The following NTM variants were observed in gnomAD, a reference collection of about 807,000 sequenced individuals.
NTM encodes neurotrimin.
A neutral mutation model predicts 42.1 loss-of-function variants in NTM; 13 were observed. That is an observed-to-expected ratio of 0.31 (90% confidence interval 0.20 to 0.49). The LOEUF (loss-of-function observed/expected upper bound fraction) is 0.49, where lower values mean the gene tolerates loss of function less well. Ranked by LOEUF, NTM falls within the 20% of genes least tolerant of loss-of-function variation. The pLI is 0.99. For missense variants in NTM, 373 were observed against 452.8 expected, an observed-to-expected ratio of 0.82 and a Z score of 1.60; for synonymous variants, 187 against 179.2, an observed-to-expected ratio of 1.04 and a Z score of -0.35.
intron 1 of NTM, chr11:131,537,103 G>GT (rs1181233110): frequency 6.6e-6 from 1 of 151,706 alleles, no homozygotes; most frequent in African/African-American, 2.4e-5. Flanking sequence ...AGGGAGCTGG[G>GT]TGCCTCTCTT....
At chr11:131,726,281 A>G (rs1258677380) in intron 1 of NTM, among the ~76,000 whole-genome samples, 2 of 152,048 alleles carry the variant, frequency 1.3e-5, no homozygotes, top group African/African-American at 4.8e-5. Context: ...CTCCCTATGC[A>G]CCTTTTCAAG....
In NTM at chr11:131,788,832, C is replaced by T. The variant is rs568396053; in HGVS notation, c.83-122732C>T. Among the ~76,000 whole-genome samples, 30 of 152,220 alleles carry T rather than the reference C, an allele frequency of 2.0e-4. 1 individual carries two copies. In the South Asian group the frequency reaches 6.0e-3, roughly 31 times the overall value. On this transcript the variant is annotated intron_variant, in intron 1 of 8. Coordinates refer to ENST00000683400, the MANE Select transcript of NTM (RefSeq NM_001352005.2). ...CATTTAGACTTTTTTGGGGTCCATGCTCTCCTTTTCAAGGGTGGGTTTGAA... is the reference window on the plus strand; with the variant it reads ...CATTTAGACTTTTTTGGGGTCCATGTTCTCCTTTTCAAGGGTGGGTTTGAA...
intron 1 of NTM, among the ~76,000 whole-genome samples, chr11:131,858,247 C>A (rs186597257): frequency 1.3e-5 from 2 of 152,202 alleles, no homozygotes; most frequent in East Asian, 1.9e-4. Context: ...AGTTACTTTG[C>A]GGAAGCTTCT....
chr11:131,710,100 G>C lies in NTM; in HGVS notation c.83-201464G>C, dbSNP rs532189543. Among the ~76,000 whole-genome samples, 56 of 152,206 alleles carry C rather than the reference G, an allele frequency of 3.7e-4. 2 individuals are homozygous for C. The South Asian group carries it at 0.01, about 28-fold the overall frequency. ...TGAGTGCACTGGTGGGGTCAAAGAG[G>C]GGGTGGAGCAGAAAGCCATGAGAGA... On this transcript the variant is annotated intron_variant, in intron 1 of 8. Coordinates refer to ENST00000683400, the MANE Select transcript of NTM (RefSeq NM_001352005.2).
At chr11:131,501,307 A>C (rs915390413) in intron 1 of NTM, among the ~76,000 whole-genome samples, 1 of 152,182 alleles carries the variant, frequency 6.6e-6, no homozygotes, top group Non-Finnish European at 1.5e-5. Context: ...AGGAGGCGAT[A>C]GCTGTTGGTA....
chr11:132,087,593 A>G (rs748678699), intron 2 of NTM, among the ~76,000 whole-genome samples: 5 of 152,142 alleles, frequency 3.3e-5, no homozygotes, highest in Non-Finnish European at 7.4e-5. Flanking sequence ...GTGCTAAGGT[A>G]TAACTGTGGA....
intron 1 of NTM, among the ~76,000 whole-genome samples, chr11:131,449,333 C>T (rs947427336): frequency 4.6e-5 from 7 of 152,232 alleles, no homozygotes; most frequent in Non-Finnish European, 8.8e-5. Flanking sequence ...CCCACAGGGG[C>T]ATGGAGGTGG....
At chr11:131,431,164 C>T (rs564341938) in intron 1 of NTM, among the ~76,000 whole-genome samples, 2 of 152,294 alleles carry the variant, frequency 1.3e-5, no homozygotes, top group South Asian at 4.2e-4. Flanking sequence ...AGGATTGCAG[C>T]TTTCACGGTG....
At chr11:132,066,765 G>T (rs888396078) in intron 2 of NTM, among the ~76,000 whole-genome samples, 1 of 151,854 alleles carries the variant, frequency 6.6e-6, no homozygotes, top group Non-Finnish European at 1.5e-5. Context: ...CTTCTTTCTT[G>T]CTCTGTTATG....
At chr11:131,672,191 C>G (rs2070413666) in intron 1 of NTM, among the ~76,000 whole-genome samples, 1 of 152,240 alleles carries the variant, frequency 6.6e-6, no homozygotes, top group African/African-American at 2.4e-5. Flanking sequence ...CCTCCCTCCC[C>G]ACCAGGAGCA....
intron 4 of NTM, among the ~76,000 whole-genome samples, chr11:132,275,259 A>C (rs1330277178): frequency 6.6e-6 from 1 of 152,054 alleles, no homozygotes; most frequent in Non-Finnish European, 1.5e-5. Flanking sequence ...TCTGATTCAG[A>C]TATCCAGTCA....
chr11:131,480,274 T>C (rs1466544236), intron 1 of NTM, among the ~76,000 whole-genome samples: 2 of 152,100 alleles, frequency 1.3e-5, no homozygotes, highest in East Asian at 1.9e-4. Flanking sequence ...GCAGGATGCA[T>C]TGATGTACCA....
chr11:132,290,663 CTT>C (rs1352060308), intron 4 of NTM, among the ~76,000 whole-genome samples: 1 of 152,166 alleles, frequency 6.6e-6, no homozygotes, highest in East Asian at 1.9e-4. Context: ...TACTATCTCT[CTT>C]TAATGGACCT....
intron 2 of NTM, among the ~76,000 whole-genome samples, chr11:131,964,455 G>T (rs564839016): frequency 6.6e-6 from 1 of 152,276 alleles, no homozygotes; most frequent in Admixed American, 6.5e-5. Context: ...AAAGTGACAA[G>T]TGAAACCCAG....
chr11:132,269,129 A>G (rs1422785022), intron 4 of NTM, among the ~76,000 whole-genome samples: 1 of 152,170 alleles, frequency 6.6e-6, no homozygotes, highest in Non-Finnish European at 1.5e-5. Context: ...AAAACTCAGG[A>G]GAAAGGGCAT....
Position 132,003,246 on chromosome 11 carries a change from A to AGT in NTM, c.167+91599_167+91600dup, listed in dbSNP as rs1421176186. Among the ~76,000 whole-genome samples the AGT allele has an allele frequency of 9.1e-4, 89 of 98,310 alleles. 1 individual carries two copies. Among genetic ancestry groups the AGT allele is most frequent in the African/African-American group, 4.4e-3 (88 of 20,064 alleles). 64.5% of individuals were successfully genotyped at this position (98,310 alleles called of 152,430 possible). A position where few individuals can be genotyped will look rare whatever the true frequency, so the allele number is the denominator to read the frequency against. On this transcript the variant is annotated intron_variant, in intron 2 of 8. Transcript: ENST00000683400. This position sits in a 1 kb window ranked among gnomAD's most constrained non-coding sequence, Gnocchi z 6.0. Reference sequence around the variant, plus strand: ...CGGATTCCTCCACCCACACCCTTAGAGTTTTTTTTTCTTTTTTTTTTTTGA... The same window carrying AGT: ...CGGATTCCTCCACCCACACCCTTAGAGTGTTTTTTTTTCTTTTTTTTTTTTGA...
At chr11:131,546,121 G>A (rs1383406518) in intron 1 of NTM, among the ~76,000 whole-genome samples, 4 of 152,156 alleles carry the variant, frequency 2.6e-5, no homozygotes, top group Admixed American at 1.3e-4. Flanking sequence ...CCAGTGTCAG[G>A]TCTTTTCCTT....
chr11:131,994,307 T>C (rs2067587621), intron 2 of NTM, among the ~76,000 whole-genome samples: 1 of 152,158 alleles, frequency 6.6e-6, no homozygotes, highest in South Asian at 2.1e-4. Flanking sequence ...GGAAGGGAGT[T>C]CTGAAATATG....
At chr11:132,330,062 C>A in intron 7 of NTM, 91 bp from the exon 8 acceptor site, 1 of 1,531,416 alleles carries the variant, frequency 6.5e-7, no homozygotes, top group South Asian at 1.2e-5. Flanking sequence ...GCGCCAGGAG[C>A]GCCAGCTTCT....
Sources: allele counts gnomAD v4.1 joint callset (sites outside exome capture counted in the v4.1 genomes callset), GRCh38; gene constraint gnomAD v4.1.1; non-coding constraint Gnocchi (gnomAD v3.1); transcripts MANE v1.5; gene names NCBI Gene and HGNC (gene_info 2026-07-23, HGNC 2026-07-21).